Variants in STPG2 observed in about 807,000 individuals in gnomAD.
The protein encoded by STPG2 is sperm-tail PG-rich repeat-containing protein 2.
A neutral mutation model predicts 54.2 loss-of-function variants in STPG2; 56 were observed. That is an observed-to-expected ratio of 1.03 (90% CI 0.83 to 1.29). The LOEUF is 1.29. STPG2 is among the 50% of genes most tolerant of loss of function. The pLI is 0.00. For synonymous variants in STPG2, 200 were observed against 181.8 expected (o/e 1.10, Z -0.81); for missense variants, 596 against 544.9 (o/e 1.09, Z -0.93).
intron 8 of STPG2, among the ~76,000 whole-genome samples, chr4:97,938,853 T>C (rs1434443724): frequency 2.0e-5 from 3 of 152,042 alleles, no homozygotes; most frequent in African/African-American, 7.2e-5. Context: ...CATGCTGTTT[T>C]GGTTCTTCTC....
At chr4:98,124,072 T>C (rs1739762570) in intron 3 of STPG2, among the ~76,000 whole-genome samples, 1 of 152,216 alleles carries the variant, frequency 6.6e-6, no homozygotes, top group African/African-American at 2.4e-5. Context: ...CCTGTGTGTG[T>C]CTTTGCCTGA....
At chr4:97,531,656 T>C (rs1252857440) in intron 4 of STPG2, among the ~76,000 whole-genome samples, 7 of 152,064 alleles carry the variant, frequency 4.6e-5, no homozygotes, top group Non-Finnish European at 7.4e-5. Context: ...GAGCTAAAAA[T>C]TAAATCAATT....
At chr4:97,922,679 G>A (rs975320268) in intron 8 of STPG2, among the ~76,000 whole-genome samples, 3 of 152,184 alleles carry the variant, frequency 2.0e-5, no homozygotes, top group African/African-American at 7.2e-5. Flanking sequence ...TTTGCCAGAT[G>A]GCTCTCTGTT....
intron 9 of STPG2, among the ~76,000 whole-genome samples, chr4:97,782,813 A>C (rs146239010): frequency 0.16 from 24,546 of 152,166 alleles, 2,137 homozygotes; most frequent in East Asian, 0.36. Flanking sequence ...AAACCTGACA[A>C]AAACAAGAAA....
intron 4 of STPG2, among the ~76,000 whole-genome samples, chr4:97,547,531 T>C (rs1731861112): frequency 6.6e-6 from 1 of 152,132 alleles, no homozygotes; most frequent in Non-Finnish European, 1.5e-5. Flanking sequence ...TTTAAATCAG[T>C]AGATGCATAT....
At chr4:97,624,885 C>T (rs947474681) in intron 10 of STPG2, among the ~76,000 whole-genome samples, 1 of 152,098 alleles carries the variant, frequency 6.6e-6, no homozygotes, top group African/African-American at 2.4e-5. Flanking sequence ...GGAATCCTTC[C>T]CCCATTGTTT....
intron 8 of STPG2, among the ~76,000 whole-genome samples, chr4:97,845,131 T>G (rs1463630166): frequency 6.6e-6 from 1 of 151,932 alleles, no homozygotes; most frequent in Non-Finnish European, 1.5e-5. Context: ...AAAAAATTAA[T>G]AGCTGATATT....
intron 8 of STPG2, among the ~76,000 whole-genome samples, chr4:97,849,712 C>T: frequency 6.6e-6 from 1 of 151,754 alleles, no homozygotes; most frequent in East Asian, 2.0e-4. Context: ...AAATCAAAAC[C>T]ACTATGAGAT....
At position 98,022,150 on chromosome 4, in the gene STPG2, T is replaced by A. The variant is rs200269871; in HGVS notation, c.613-40832A>T. Among the ~76,000 whole-genome samples, 645 of 149,568 alleles carry A rather than the reference T, an allele frequency of 4.3e-3. 3 individuals are homozygous for A. The highest frequency in any genetic ancestry group is 0.026 in the South Asian group (121 of 4,712). ...CAATTTGGCATGTTTTTGCAGTGGC[T>A]GGTACTGGTTGTTCCTTTCCATGTT... On this transcript the variant is annotated intron_variant, in intron 5 of 10. Coordinates refer to ENST00000295268, the MANE Select transcript of STPG2 (RefSeq NM_174952.3).
intron 4 of STPG2, among the ~76,000 whole-genome samples, chr4:97,479,637 C>T (rs1730169631): frequency 6.6e-6 from 1 of 151,868 alleles, no homozygotes. Flanking sequence ...AGATTTTACA[C>T]TAACCAGATT....
chr4:97,841,001 G>T, intron 8 of STPG2, 69 bp from the exon 9 acceptor site: 1 of 1,470,898 alleles, frequency 6.8e-7, no homozygotes, highest in South Asian at 1.3e-5. Context: ...GATACCAGAT[G>T]GATGGTTACA....
chr4:97,529,962 C>A lies in STPG2; in HGVS notation c.462+182737G>T, dbSNP rs189805208. Among the ~76,000 whole-genome samples the A allele has an allele frequency of 3.6e-3, 548 of 152,070 alleles. 5 individuals carry two copies. Among genetic ancestry groups the A allele is most frequent in the African/African-American group, 0.013 (521 of 41,512 alleles). ...ATACTAATTTTTTATTTGTTTACTTCTATTATTTATTTTTCTTTTTTCTTC... is the reference window on the plus strand; with the variant it reads ...ATACTAATTTTTTATTTGTTTACTTATATTATTTATTTTTCTTTTTTCTTC... On this transcript the variant is annotated intron_variant, in intron 4 of 4. Coordinates refer to the STPG2 transcript ENST00000522676.
rs570918397 is a variant in STPG2, at chr4:97,865,004, G to A, written c.1045-24072C>T. 9.2e-5 allele frequency among the ~76,000 whole-genome samples: 14 copies of A among 152,172 alleles called. No homozygotes were observed. The East Asian group carries it at 2.5e-3, about 27-fold the overall frequency. On this transcript the variant is annotated intron_variant, in intron 8 of 10. Coordinates refer to ENST00000295268, the MANE Select transcript of STPG2 (RefSeq NM_174952.3). Reference sequence around the variant, plus strand: ...CATAAAAACCCTAGAAGAAAACCTAGGCAATACCATTCAGGACATAGACAT... The same window carrying A: ...CATAAAAACCCTAGAAGAAAACCTAAGCAATACCATTCAGGACATAGACAT...
intron 8 of STPG2, among the ~76,000 whole-genome samples, chr4:97,855,861 T>C (rs182701825): frequency 1.2e-4 from 19 of 152,268 alleles, no homozygotes; most frequent in African/African-American, 4.6e-4. Context: ...AAGAAAAAGG[T>C]CCTGTTTCAA....
intron 10 of STPG2, among the ~76,000 whole-genome samples, chr4:97,674,648 T>A (rs948901746): frequency 2.0e-5 from 3 of 152,204 alleles, no homozygotes; most frequent in Non-Finnish European, 4.4e-5. Context: ...ATTCAAACAA[T>A]CAATCCTTTC....
intron 8 of STPG2, among the ~76,000 whole-genome samples, chr4:97,942,241 G>A (rs571906885): frequency 2.6e-5 from 4 of 151,338 alleles, no homozygotes; most frequent in Non-Finnish European, 5.9e-5. Flanking sequence ...TACTACCTGT[G>A]ATATTATGAT....
intron 4 of STPG2, among the ~76,000 whole-genome samples, chr4:97,520,488 G>T (rs924817498): frequency 1.3e-5 from 2 of 151,972 alleles, no homozygotes; most frequent in Admixed American, 6.6e-5. Context: ...ACCACCTTTG[G>T]ATCCTCTTAT....
At chr4:98,022,016 C>T (rs1197059149) in intron 5 of STPG2, among the ~76,000 whole-genome samples, 5 of 151,562 alleles carry the variant, frequency 3.3e-5, no homozygotes, top group African/African-American at 7.3e-5. Flanking sequence ...AGCCCATTTA[C>T]ATTTAAAGTT....
Position 97,709,113 on chromosome 4 carries a change from C to G in STPG2, c.1320+3586G>C, listed in dbSNP as rs180726719. Among the ~76,000 whole-genome samples the G allele has an allele frequency of 1.3e-4, 19 of 151,706 alleles. No individual in the cohort carries two copies. In the East Asian group the frequency reaches 3.7e-3, roughly 29 times the overall value. ...AAACTTCTAAGTGCACAATTTTCATCAAAAGAATTTCAAAGTAATAGAAAG... is the reference window on the plus strand; with the variant it reads ...AAACTTCTAAGTGCACAATTTTCATGAAAAGAATTTCAAAGTAATAGAAAG... On this transcript the variant is annotated intron_variant, in intron 10 of 10. Coordinates refer to ENST00000295268, the MANE Select transcript of STPG2 (RefSeq NM_174952.3).
Sources: allele counts gnomAD v4.1 joint callset (sites outside exome capture counted in the v4.1 genomes callset), GRCh38; gene constraint gnomAD v4.1.1; transcripts MANE v1.5; gene names NCBI Gene and HGNC (gene_info 2026-07-23, HGNC 2026-07-21).